RBFOX1: variants seen among roughly 807,000 people sequenced by gnomAD.
RBFOX1 encodes RNA binding fox-1 homolog 1, also known as RNA binding protein fox-1 homolog 1.
In RBFOX1, 8 loss-of-function variants were observed where a neutral mutation model predicts 57.7. The observed-to-expected ratio is 0.14, with a 90% CI of 0.08 to 0.25. The LOEUF is 0.25. Ranked by LOEUF, RBFOX1 falls within the 10% of genes least tolerant of loss-of-function variation. The pLI is 1.00. For synonymous variants in RBFOX1, 326 were observed against 222.4 expected, an observed-to-expected ratio of 1.47 and a Z score of -4.15; for missense variants, 611 against 548.5, an observed-to-expected ratio of 1.11 and a Z score of -1.14.
intron 1 of RBFOX1, among the ~76,000 whole-genome samples, chr16:5,396,055 G>T (rs2066544457): frequency 6.6e-6 from 1 of 152,188 alleles, no homozygotes; most frequent in Non-Finnish European, 1.5e-5. Context: ...GCCATGCCTA[G>T]ACCTGTGACC....
At chr16:6,706,890 C>A (rs2154147105) in intron 3 of RBFOX1, among the ~76,000 whole-genome samples, 1 of 152,096 alleles carries the variant, frequency 6.6e-6, no homozygotes, top group South Asian at 2.1e-4. Flanking sequence ...TCAGAGAACT[C>A]CTGTTTTTTG....
chr16:6,726,523 G>C (rs953352662), intron 3 of RBFOX1, among the ~76,000 whole-genome samples: 9 of 151,898 alleles, frequency 5.9e-5, no homozygotes, highest in African/African-American at 1.9e-4. Context: ...TCAAAGTACA[G>C]TGCCTGGACA....
chr16:7,446,244 T>C (rs1389609423), intron 4 of RBFOX1, among the ~76,000 whole-genome samples: 1 of 152,200 alleles, frequency 6.6e-6, no homozygotes, highest in Non-Finnish European at 1.5e-5. Flanking sequence ...CCCATGCGAA[T>C]TGACAGGAAG....
chr16:6,123,228 A>G (rs907392130), intron 1 of RBFOX1, among the ~76,000 whole-genome samples: 10 of 152,216 alleles, frequency 6.6e-5, no homozygotes, highest in Admixed American at 3.9e-4. Flanking sequence ...ATTATTTGCA[A>G]TAGCCAAAAG....
At chr16:6,559,450 T>C (rs2097150418) in intron 2 of RBFOX1, among the ~76,000 whole-genome samples, 1 of 152,084 alleles carries the variant, frequency 6.6e-6, no homozygotes, top group African/African-American at 2.4e-5. Flanking sequence ...CCATCTTCTC[T>C]TTTAGAAAGA....
intron 3 of RBFOX1, among the ~76,000 whole-genome samples, chr16:6,999,840 G>A (rs2092628989): frequency 6.6e-6 from 1 of 152,162 alleles, no homozygotes; most frequent in African/African-American, 2.4e-5. Context: ...GGGAGGCTGA[G>A]GTGAGCGGAT....
intron 4 of RBFOX1, among the ~76,000 whole-genome samples, chr16:7,404,680 A>G (rs565476214): frequency 6.6e-6 from 1 of 152,294 alleles, no homozygotes; most frequent in Admixed American, 6.5e-5. Context: ...AAGTCTGTGG[A>G]TATTAAAAGA....
chr16:6,478,429 A>ATATATATATAT (rs1159954387), intron 2 of RBFOX1, among the ~76,000 whole-genome samples: 2 of 24,614 alleles, frequency 8.1e-5, no homozygotes, highest in African/African-American at 1.3e-4. Context: ...ATATATATAT[A>ATATATATATAT]TTTTTTTTTT....
chr16:6,479,913 T>C (rs1293541169), intron 2 of RBFOX1, among the ~76,000 whole-genome samples: 1 of 151,942 alleles, frequency 6.6e-6, no homozygotes, highest in South Asian at 2.1e-4. Flanking sequence ...TAGTTGGGCA[T>C]GGTGGCGGGT....
At chr16:5,660,436 A>G (rs368403898) in intron 3 of RBFOX1, among the ~76,000 whole-genome samples, 2 of 152,250 alleles carry the variant, frequency 1.3e-5, no homozygotes, top group East Asian at 1.9e-4. Flanking sequence ...ACTGTCCTCT[A>G]GATGCTTGTC....
chr16:7,401,227 T>C (rs966434125), intron 4 of RBFOX1, among the ~76,000 whole-genome samples: 4 of 152,198 alleles, frequency 2.6e-5, no homozygotes, highest in African/African-American at 9.7e-5. Flanking sequence ...AAAACCATTC[T>C]CTCTGTGAAA....
chr16:6,925,520 C>T (rs565595297), intron 3 of RBFOX1, among the ~76,000 whole-genome samples: 2 of 150,248 alleles, frequency 1.3e-5, no homozygotes, highest in Non-Finnish European at 1.5e-5. Context: ...TGTAAATTTC[C>T]GGGGGGGCAG....
chr16:7,513,423 G>A (rs751634764), intron 4 of RBFOX1, among the ~76,000 whole-genome samples: 1 of 152,096 alleles, frequency 6.6e-6, no homozygotes, highest in African/African-American at 2.4e-5. Context: ...TCCCAGCTTT[G>A]GTCTGCAGCA....
chr16:7,217,878 G>A (rs1268390176), intron 4 of RBFOX1, among the ~76,000 whole-genome samples: 1 of 150,864 alleles, frequency 6.6e-6, no homozygotes, highest in South Asian at 2.1e-4. Flanking sequence ...ACGCGTGTGT[G>A]CATGTGTGTG....
At chr16:6,796,202 A>G (rs1487010810) in intron 3 of RBFOX1, among the ~76,000 whole-genome samples, 1 of 152,152 alleles carries the variant, frequency 6.6e-6, no homozygotes, top group East Asian at 1.9e-4. Context: ...TTTTTAAACC[A>G]TCATATCTGA....
intron 4 of RBFOX1, among the ~76,000 whole-genome samples, chr16:7,256,333 G>C (rs1017595949): frequency 6.6e-6 from 1 of 152,128 alleles, no homozygotes; most frequent in Non-Finnish European, 1.5e-5. Flanking sequence ...CTCTGATGAA[G>C]CCACCATTCC....
intron 1 of RBFOX1, among the ~76,000 whole-genome samples, chr16:5,352,942 T>C (rs1280510149): frequency 1.3e-5 from 2 of 152,086 alleles, no homozygotes; most frequent in African/African-American, 4.8e-5. Flanking sequence ...GACCCTGTTT[T>C]AGAAACAAAA....
intron 4 of RBFOX1, among the ~76,000 whole-genome samples, chr16:7,212,289 C>A (rs2091289282): frequency 6.6e-6 from 1 of 152,084 alleles, no homozygotes; most frequent in Non-Finnish European, 1.5e-5. Context: ...GTGTACAGTC[C>A]CTTTGCCTCT....
chr16:5,991,009 A>G (rs919522404), intron 4 of RBFOX1, among the ~76,000 whole-genome samples: 4 of 152,200 alleles, frequency 2.6e-5, no homozygotes, highest in Non-Finnish European at 5.9e-5. Context: ...TATGCCTCCC[A>G]TCAAGGTTCT....
Sources: allele counts gnomAD v4.1 joint callset (sites outside exome capture counted in the v4.1 genomes callset), GRCh38; gene constraint gnomAD v4.1.1; transcripts MANE v1.5; gene names NCBI Gene and HGNC (gene_info 2026-07-23, HGNC 2026-07-21).